The following ATRNL1 variants were observed in gnomAD, a reference collection of about 807,000 sequenced individuals.
ATRNL1 encodes attractin-like protein 1.
Under a neutral mutation model 182.7 loss-of-function variants are expected in ATRNL1, and 95 were observed. The ratio of observed to expected loss-of-function variants is 0.52; its 90% confidence interval spans 0.44 to 0.62. ATRNL1 has a LOEUF of 0.62. Among genes scored for constraint, ATRNL1 ranks in the 20% least tolerant of loss-of-function variants. ATRNL1 has a pLI of 0.00. For missense variants in ATRNL1, 1,471 were observed against 1,679.5 expected (o/e 0.88, Z 2.17); for synonymous variants, 576 against 568.3 (o/e 1.01, Z -0.19).
chr10:115,266,853 A>G lies in ATRNL1; in HGVS notation c.1829A>G (p.Tyr610Cys). The change falls in exon 12 of 29, where the codon TAC becomes TGC. Residue 610 changes from tyrosine to cysteine, a missense_variant. Around this residue, in one of 3 missense-constraint regions of ATRNL1, gnomAD observed 1,031 missense variants for 1,156.0 expected, o/e 0.89. Coordinates refer to ENST00000355044, the MANE Select transcript of ATRNL1 (RefSeq NM_207303.4). ...GTACTCCTTAATGATATCCTTGTAT[A>G]CAAGCCTCCAAATTGCAAGGCTTTC... ...SSVLLNDILVYKPPNCKAFRD... is the reference protein window; with the variant it reads ...SSVLLNDILVCKPPNCKAFRD... The G allele has an allele frequency of 1.2e-6, 2 of 1,612,236 alleles. No individual in the cohort carries two copies. The highest frequency in any genetic ancestry group is 1.7e-6 in the Non-Finnish European group (2 of 1,178,738).
intron 28 of ATRNL1, among the ~76,000 whole-genome samples, chr10:115,915,446 A>G (rs1000695051): frequency 4.6e-5 from 7 of 152,294 alleles, no homozygotes; most frequent in East Asian, 1.9e-4. Context: ...CCAAGTGCTA[A>G]GGATATAATG....
At chr10:115,813,520 A>T (rs1343391313) in intron 27 of ATRNL1, among the ~76,000 whole-genome samples, 4 of 152,192 alleles carry the variant, frequency 2.6e-5, no homozygotes. Context: ...AGAATATCAA[A>T]AACTGATTTT....
intron 26 of ATRNL1, among the ~76,000 whole-genome samples, chr10:115,699,276 C>T (rs1555050781): frequency 3.9e-5 from 6 of 151,946 alleles, no homozygotes; most frequent in Non-Finnish European, 1.5e-5. Flanking sequence ...TTTTATAAAA[C>T]ATGAAAGATA....
intron 5 of ATRNL1, among the ~76,000 whole-genome samples, chr10:115,151,316 G>C (rs1564777629): frequency 6.6e-6 from 1 of 152,158 alleles, no homozygotes; most frequent in Non-Finnish European, 1.5e-5. Flanking sequence ...CACAATGGTT[G>C]AACTAGTTTA....
chr10:115,375,769 A>G (rs181824704), intron 19 of ATRNL1, among the ~76,000 whole-genome samples: 1 of 152,046 alleles, frequency 6.6e-6, no homozygotes, highest in African/African-American at 2.4e-5. Flanking sequence ...ATTGATGTCA[A>G]CTTATTTTTT....
At chr10:115,493,646 G>C (rs1380234567) in intron 24 of ATRNL1, among the ~76,000 whole-genome samples, 8 of 152,136 alleles carry the variant, frequency 5.3e-5, no homozygotes, top group African/African-American at 1.9e-4. Context: ...TGGGATTGCT[G>C]GGTTGAATGG....
chr10:115,366,463 T>C (rs1220635672), intron 19 of ATRNL1, among the ~76,000 whole-genome samples: 1 of 152,204 alleles, frequency 6.6e-6, no homozygotes, highest in Non-Finnish European at 1.5e-5. Context: ...GGGTCTTGAC[T>C]CTTTATCCAA....
chr10:115,816,013 C>T (rs546359858), intron 27 of ATRNL1, among the ~76,000 whole-genome samples: 2 of 152,244 alleles, frequency 1.3e-5, no homozygotes, highest in African/African-American at 2.4e-5. Flanking sequence ...TGTCCAGAAA[C>T]AGATTCAGTG....
intron 19 of ATRNL1, among the ~76,000 whole-genome samples, chr10:115,374,485 C>CTTCCTTCCTTCT (rs1857566354): frequency 1.5e-5 from 2 of 136,434 alleles, no homozygotes; most frequent in African/African-American, 5.2e-5. Flanking sequence ...TCCTTCCTTC[C>CTTCCTTCCTTCT]TTCTTTCCTT....
chr10:115,903,637 A>G (rs1952417826), intron 28 of ATRNL1, among the ~76,000 whole-genome samples: 1 of 152,146 alleles, frequency 6.6e-6, no homozygotes, highest in East Asian at 1.9e-4. Flanking sequence ...TCTTATATTT[A>G]TCACCTTTAA....
chr10:115,207,677 C>T (rs1274177023), intron 8 of ATRNL1, among the ~76,000 whole-genome samples: 1 of 151,772 alleles, frequency 6.6e-6, no homozygotes, highest in Admixed American at 6.6e-5. Flanking sequence ...CTCCCCTTGC[C>T]CCCCCACATT....
intron 27 of ATRNL1, among the ~76,000 whole-genome samples, chr10:115,740,812 A>G (rs1023858885): frequency 6.6e-6 from 1 of 150,400 alleles, no homozygotes; most frequent in Non-Finnish European, 1.5e-5. Flanking sequence ...GGCCAATCCT[A>G]TCTCTTTAAA....
chr10:115,399,034 C>G (rs1454541318), intron 20 of ATRNL1, among the ~76,000 whole-genome samples: 3 of 152,080 alleles, frequency 2.0e-5, no homozygotes, highest in African/African-American at 4.8e-5. Flanking sequence ...TTGAACCAAC[C>G]TTGCATCCCA....
chr10:115,470,810 A>C (rs1848274731), intron 24 of ATRNL1, among the ~76,000 whole-genome samples: 1 of 150,682 alleles, frequency 6.6e-6, no homozygotes, highest in South Asian at 2.1e-4. Context: ...ACGTAGGCCT[A>C]ATTTCTCCTC....
chr10:115,416,432 T>G (rs540273395), intron 20 of ATRNL1, among the ~76,000 whole-genome samples: 25 of 152,324 alleles, frequency 1.6e-4, no homozygotes, highest in African/African-American at 5.3e-4. Flanking sequence ...TATAAACCAC[T>G]TTAGATAATA....
At chr10:115,756,739 T>G (rs1346939095) in intron 27 of ATRNL1, among the ~76,000 whole-genome samples, 3 of 152,176 alleles carry the variant, frequency 2.0e-5, no homozygotes, top group Non-Finnish European at 4.4e-5. Flanking sequence ...GTCTCGTTGA[T>G]CTGTCTAATG....
chr10:115,790,578 A>G (rs1319652038), intron 27 of ATRNL1, among the ~76,000 whole-genome samples: 1 of 151,858 alleles, frequency 6.6e-6, no homozygotes, highest in African/African-American at 2.4e-5. Flanking sequence ...GGGTAGAGAG[A>G]GTGAAGGAAA....
At position 115,559,443 on chromosome 10, in the gene ATRNL1, T is replaced by TGTGTGCGTGC. The variant is rs200694810; in HGVS notation, c.3795+9908_3795+9909insTGTGCGTGCG. Among the ~76,000 whole-genome samples the TGTGTGCGTGC allele has an allele frequency of 2.1e-4, 16 of 77,864 alleles. No individual in the cohort carries two copies. The East Asian group carries it at 2.5e-3, about 12-fold the overall frequency. The allele number at this position is 77,864 out of a possible 152,430, so 51.1% of individuals were successfully genotyped here. A position where few individuals can be genotyped will look rare whatever the true frequency, so the allele number is the denominator to read the frequency against. On this transcript the variant is annotated intron_variant, in intron 26 of 28. Transcript: ENST00000355044. ...GTGTGTGTGTGTGTGTGTGTGTGTG[T>TGTGTGCGTGC]GCGCGCGCGCACGCACGCACATGCG... is the stretch of plus-strand genomic sequence containing the variant.
intron 19 of ATRNL1, among the ~76,000 whole-genome samples, chr10:115,364,663 A>G (rs1592528275): frequency 6.6e-6 from 1 of 151,254 alleles, no homozygotes; most frequent in East Asian, 1.9e-4. Flanking sequence ...GGTTTGTCAT[A>G]GATAGCTCTT....
Sources: gnomAD v4.1 joint callset for allele counts (sites outside exome capture counted in the v4.1 genomes callset) on GRCh38, gnomAD v4.1.1 for gene constraint, gnomAD v4.1.1 regional missense constraint, MANE v1.5 for transcripts, NCBI Gene and HGNC (gene_info 2026-07-23, HGNC 2026-07-21) for gene names.